The following PHC1 variants were observed in gnomAD, a reference collection of about 807,000 sequenced individuals.
PHC1 encodes polyhomeotic-like protein 1.
In PHC1, 12 loss-of-function variants were observed where a neutral mutation model predicts 104.3. The ratio of observed to expected loss-of-function variants is 0.12; its 90% CI spans 0.07 to 0.19. The LOEUF is 0.19. PHC1 is among the 10% of genes least tolerant of loss of function. The pLI, the probability that PHC1 is intolerant of heterozygous loss-of-function variation, is 1.00. For missense variants in PHC1, 671 were observed against 1,200.0 expected (o/e 0.56, Z 6.51); for synonymous variants, 302 against 455.8 (o/e 0.66, Z 4.30).
rs754749231 is a variant in PHC1, at chr12:8,926,880, A to G, written c.613-3555A>G. 1.3e-3 allele frequency among the ~76,000 whole-genome samples: 204 copies of G among 152,100 alleles called. 1 individual carries two copies. Among genetic ancestry groups the G allele is most frequent in the Non-Finnish European group, 1.8e-3 (125 of 67,990 alleles). ...CAGTGAGCCGAGATCGCGCCGTTGT[A>G]CTCCAGCCTGGGCAACGAGGGCGAA... On this transcript the variant is annotated intron_variant, in intron 6 of 14. Transcript: ENST00000544916.
chr12:8,921,579 G>A (rs1385268923), intron 4 of PHC1, 22 bp from the exon 5 acceptor site: 2 of 1,612,466 alleles, frequency 1.2e-6, no homozygotes, highest in Non-Finnish European at 1.7e-6. Flanking sequence ...CCTTAGTCCT[G>A]GTTCCTTTCT....
chr12:8,933,465 G>T, intron 8 of PHC1, 115 bp downstream of exon 8: 2 of 1,220,072 alleles, frequency 1.6e-6, no homozygotes, highest in Non-Finnish European at 2.2e-6. Context: ...GTTAATATTG[G>T]TATTTATCTG....
At position 8,934,337 on chromosome 12, in the gene PHC1, C is replaced by A; in HGVS notation, c.2112C>A (p.Ala704=). The A allele has an allele frequency of 1.2e-6, 2 of 1,614,062 alleles. No individual in the cohort carries two copies. Among genetic ancestry groups the A allele is most frequent in the South Asian group, 2.2e-5 (2 of 91,068 alleles). The change falls in exon 10 of 15, where the codon GCC becomes GCA. Residue 704 remains alanine, a synonymous_variant. Coordinates refer to ENST00000544916, the MANE Select transcript of PHC1 (RefSeq NM_004426.3). ...GTGAACTAGTAGCCTTGACCCCCGC[C>A]CCTTCAGTACCGCCTCCTACACTAG... ...PSSELVALTP[A]PSVPPPTLAM... is the part of the protein sequence containing the mutation.
chr12:8,933,448 TAA>T, intron 8 of PHC1, 98 bp downstream of exon 8: 1 of 1,352,902 alleles, frequency 7.4e-7, no homozygotes, highest in South Asian at 1.6e-5. Flanking sequence ...AATAAAGAGT[TAA>T]GAGGGTTAAT....
At chr12:8,939,261 C>T (rs1290485091) in intron 14 of PHC1, 44 bp from the exon 15 acceptor site, 11 of 1,610,672 alleles carry the variant, frequency 6.8e-6, no homozygotes, top group African/African-American at 1.3e-5. Context: ...CTTCCCTTCT[C>T]CTATCATCTG....
chr12:8,914,361 C>T (rs1006450369), upstream of PHC1, among the ~76,000 whole-genome samples: 9 of 146,624 alleles, frequency 6.1e-5, no homozygotes, highest in Non-Finnish European at 1.2e-4. Context: ...CGCAGAGGCC[C>T]GGGAGCTGCG....
At chr12:8,928,703 G>T (rs1945599467) in intron 6 of PHC1, among the ~76,000 whole-genome samples, 1 of 152,144 alleles carries the variant, frequency 6.6e-6, no homozygotes, top group Non-Finnish European at 1.5e-5. Context: ...AATGCATTCA[G>T]GCCCTTCTCT....
intron 6 of PHC1, among the ~76,000 whole-genome samples, chr12:8,923,766 C>G (rs1412715636): frequency 5.6e-5 from 8 of 142,524 alleles, no homozygotes; most frequent in Admixed American, 4.5e-4. Flanking sequence ...GGAGGCGGAG[C>G]TTGCAGTAAG....
At chr12:8,922,061 G>A (rs1290744123) in intron 5 of PHC1, among the ~76,000 whole-genome samples, 1 of 152,128 alleles carries the variant, frequency 6.6e-6, no homozygotes. Context: ...TGATCCACCC[G>A]CCTCGGCCTC....
chr12:8,920,785 A>G (rs1022389157), intron 3 of PHC1, among the ~76,000 whole-genome samples, 200 bp from the exon 4 acceptor site: 1 of 152,180 alleles, frequency 6.6e-6, no homozygotes, highest in Non-Finnish European at 1.5e-5. Flanking sequence ...CAGGAGGGTT[A>G]TGTGGGGCTA....
chr12:8,938,253 A>G (rs977386902), intron 14 of PHC1, among the ~76,000 whole-genome samples, 193 bp downstream of exon 14: 22 of 152,200 alleles, frequency 1.4e-4, no homozygotes, highest in African/African-American at 3.6e-4. Flanking sequence ...AATGTCAGCA[A>G]TTTTACAGTG....
chr12:8,925,104 G>C (rs991782511), intron 6 of PHC1, among the ~76,000 whole-genome samples: 1 of 152,164 alleles, frequency 6.6e-6, no homozygotes, highest in East Asian at 1.9e-4. Context: ...TTAAAAATAC[G>C]CATCTGATGG....
At chr12:8,916,141 A>G (rs1022696050) in intron 1 of PHC1, 5 of 154,356 alleles carry the variant, frequency 3.2e-5, no homozygotes, top group African/African-American at 7.2e-5. Flanking sequence ...TGAAGCTGAT[A>G]TGATTTTTCC....
intron 1 of PHC1, among the ~76,000 whole-genome samples, chr12:8,916,860 A>G (rs1945218217): frequency 6.6e-6 from 1 of 152,072 alleles, no homozygotes; most frequent in Non-Finnish European, 1.5e-5. Flanking sequence ...CTGAGCTGGA[A>G]CCAGGCAGCT....
chr12:8,929,935 C>T (rs1359023191), intron 6 of PHC1, among the ~76,000 whole-genome samples: 2 of 152,212 alleles, frequency 1.3e-5, no homozygotes, highest in Non-Finnish European at 2.9e-5. Flanking sequence ...TTTTAGGAAG[C>T]CCTTCCTTGA....
intron 9 of PHC1, 124 bp downstream of exon 9, chr12:8,934,136 C>T: frequency 7.5e-7 from 1 of 1,333,232 alleles, no homozygotes; most frequent in Non-Finnish European, 1.1e-6. Flanking sequence ...ATGAATAGAT[C>T]CAAAAACAGG....
At chr12:8,918,438 C>T (rs1368858572) in intron 2 of PHC1, among the ~76,000 whole-genome samples, 3 of 152,136 alleles carry the variant, frequency 2.0e-5, no homozygotes, top group Non-Finnish European at 4.4e-5. Flanking sequence ...CCCATTAGGG[C>T]TGTATTACCT....
rs1805733 is a variant in PHC1, at chr12:8,936,676, A to C, written c.2369-180A>C. ...TTAGGAAGACGTCATAAAGTTCTCA[A>C]GGGACAAGTCTTCGTGATTTTAGGT... On this transcript the variant is annotated intron_variant, in intron 11 of 14. Transcript: ENST00000544916. Among the ~76,000 whole-genome samples, 56,325 of 151,964 alleles carry C rather than the reference A, an allele frequency of 0.37. 11,465 individuals carry two copies. The highest frequency in any genetic ancestry group is 0.47 in the Middle Eastern group (137 of 294).
chr12:8,927,649 A>G lies in PHC1; in HGVS notation c.613-2786A>G, dbSNP rs117281606. Among the ~76,000 whole-genome samples, 464 of 152,298 alleles carry G rather than the reference A, an allele frequency of 3.0e-3. 7 individuals are homozygous for G. The highest frequency in any genetic ancestry group is 0.014 in the Middle Eastern group (4 of 294). ...GGAGAAAGAGAAGGTAGTCTGAGGT[A>G]TAGGGAGAGAGTGGGAAAGTTTGAA... is the stretch of plus-strand genomic sequence containing the variant. On this transcript the variant is annotated intron_variant, in intron 6 of 14. Transcript: ENST00000544916.
Sources: allele counts gnomAD v4.1 joint callset (sites outside exome capture counted in the v4.1 genomes callset), GRCh38; gene constraint gnomAD v4.1.1; transcripts MANE v1.5; gene names NCBI Gene and HGNC (gene_info 2026-07-23, HGNC 2026-07-21).